TMEM230: variants seen among roughly 807,000 people sequenced by gnomAD.
TMEM230 encodes the protein transmembrane protein 230.
Under a neutral mutation model 15.8 loss-of-function variants are expected in TMEM230, and 10 were observed. The observed-to-expected ratio is 0.63, with a 90% CI of 0.39 to 1.07. The LOEUF (loss-of-function observed/expected upper bound fraction) is 1.07, where lower values mean the gene tolerates loss of function less well. TMEM230 is among the 50% of genes least tolerant of loss of function. The probability of loss-of-function intolerance (pLI) is 0.01; values close to 1 mark genes in which losing one functional copy is unlikely to be tolerated. For synonymous variants in TMEM230, 67 were observed against 76.9 expected (o/e 0.87, Z 0.68); for missense variants, 165 against 193.3 (o/e 0.85, Z 0.87).
downstream of TMEM230, among the ~76,000 whole-genome samples, chr20:5,096,967 G>T (rs568665693): frequency 5.3e-5 from 8 of 152,256 alleles, no homozygotes; most frequent in East Asian, 1.5e-3. Context: ...ACTGGAGAAT[G>T]CTACTCAGCT....
chr20:5,092,170 G>A (rs1026457094), intron 3 of TMEM230, among the ~76,000 whole-genome samples: 2 of 152,240 alleles, frequency 1.3e-5, no homozygotes, highest in African/African-American at 2.4e-5. Flanking sequence ...GGTCTGATAC[G>A]ATTGACAAGA....
intron 3 of TMEM230, among the ~76,000 whole-genome samples, chr20:5,083,427 T>G (rs913496751): frequency 6.6e-6 from 1 of 151,938 alleles, no homozygotes. Context: ...GCCTTTTTAT[T>G]AAATCAGGAA....
downstream of TMEM230, among the ~76,000 whole-genome samples, chr20:5,095,305 G>A (rs2089634151): frequency 6.6e-6 from 1 of 152,154 alleles, no homozygotes; most frequent in Non-Finnish European, 1.5e-5. Context: ...GCCTCCCACA[G>A]AAATCGAAAG....
intron 3 of TMEM230, among the ~76,000 whole-genome samples, chr20:5,074,287 C>T (rs2088918959): frequency 1.3e-5 from 2 of 152,168 alleles, no homozygotes; most frequent in African/African-American, 2.4e-5. Context: ...GTGTCTTTCT[C>T]TCCCTACCAG....
chr20:5,072,757 G>C lies in TMEM230; in HGVS notation c.223-3408C>G, dbSNP rs370591407. ...CCAGCTACACGGGAGGCTGAGGCAAGAGAATTGCTTGAACCTGGGAGGCGG... is the reference window on the plus strand; with the variant it reads ...CCAGCTACACGGGAGGCTGAGGCAACAGAATTGCTTGAACCTGGGAGGCGG... On this transcript the variant is annotated intron_variant, in intron 3 of 3. Transcript: ENST00000612323. 5.5e-3 allele frequency among the ~76,000 whole-genome samples: 783 copies of C among 142,622 alleles called. 6 individuals are homozygous for C. The highest frequency in any genetic ancestry group is 0.019 in the African/African-American group (748 of 38,824). The allele number at this position is 142,622 out of a possible 152,430, so 93.6% of individuals were successfully genotyped here.
intron 3 of TMEM230, chr20:5,109,116 A>C (rs746545174): frequency 7.6e-5 from 31 of 407,442 alleles, no homozygotes; most frequent in African/African-American, 2.3e-4. Flanking sequence ...TACAACTAAA[A>C]ATTCTTAGAA....
chr20:5,111,402 AG>A (rs1381182083), intron 2 of TMEM230: 1 of 154,054 alleles, frequency 6.5e-6, no homozygotes, highest in East Asian at 1.9e-4. Context: ...CAAGGTCAGG[AG>A]TTCGAGACCA....
At chr20:5,102,470 C>A (rs190099928) in intron 4 of TMEM230, among the ~76,000 whole-genome samples, 1 of 152,012 alleles carries the variant, frequency 6.6e-6, no homozygotes. Context: ...GCAGGCAGAT[C>A]GCTTGAGCTC....
intron 1 of TMEM230, 148 bp downstream of exon 1, chr20:5,112,813 G>A (rs2090380380): frequency 1.3e-6 from 2 of 1,512,562 alleles, no homozygotes; most frequent in Admixed American, 2.1e-5. Context: ...AACAAAACGG[G>A]CTTCTGGAAA....
At chr20:5,062,218 G>A in the TMEM230 span, among the ~76,000 whole-genome samples, 13 of 147,620 alleles carry the variant, frequency 8.8e-5, no homozygotes, top group Admixed American at 2.7e-4. Flanking sequence ...GTGAAACTCC[G>A]TCTCAAAAAA....
In TMEM230 at chr20:5,088,828, A is replaced by G. The variant is rs111917286; in HGVS notation, c.222+17360T>C. On this transcript the variant is annotated intron_variant, in intron 3 of 3. Coordinates refer to the TMEM230 transcript ENST00000612323. ...CATGCCCAACCCAGAACCAGGTTTA[A>G]TAACTGTAGAGGAGGCAACGGTGAT... is the stretch of plus-strand genomic sequence containing the variant. Among the ~76,000 whole-genome samples the G allele has an allele frequency of 1.0e-3, 158 of 152,292 alleles. 3 individuals carry two copies. In the South Asian group the frequency reaches 0.015, roughly 14 times the overall value.
chr20:5,062,577 G>A, the TMEM230 span, among the ~76,000 whole-genome samples: 271 of 152,066 alleles, frequency 1.8e-3, 1 homozygote, highest in African/African-American at 6.3e-3. Flanking sequence ...GCAACATGGC[G>A]AAACCCTGTC....
chr20:5,094,662 C>T (rs1160631420), intron 3 of TMEM230, among the ~76,000 whole-genome samples: 1 of 146,058 alleles, frequency 6.8e-6, no homozygotes, highest in Non-Finnish European at 1.5e-5. Context: ...AGCTGAGATC[C>T]CGCCACGGCA....
chr20:5,094,400 C>T (rs111973124), intron 3 of TMEM230, among the ~76,000 whole-genome samples: 7,628 of 151,648 alleles, frequency 0.05, 590 homozygotes, highest in African/African-American at 0.17. Flanking sequence ...ACCACCACAC[C>T]TGGCTAATTT....
At chr20:5,107,214 A>G (rs1275831805) in intron 3 of TMEM230, among the ~76,000 whole-genome samples, 1 of 152,138 alleles carries the variant, frequency 6.6e-6, no homozygotes, top group Non-Finnish European at 1.5e-5. Context: ...AGCTGGGAGG[A>G]TGGCTTGAGC....
chr20:5,110,754 A>T (rs1171006518), intron 2 of TMEM230, among the ~76,000 whole-genome samples: 1 of 152,252 alleles, frequency 6.6e-6, no homozygotes, highest in Non-Finnish European at 1.5e-5. Context: ...AAGAAAGAAA[A>T]AAATGGAATA....
At chr20:5,068,153 C>G (rs1241857541), downstream of TMEM230, 3 of 152,156 alleles carry the variant, frequency 2.0e-5, no homozygotes, top group Non-Finnish European at 4.4e-5. Flanking sequence ...CATCCAGGTC[C>G]CAGGCAGGTG....
At chr20:5,109,265 G>A (rs765670399) in intron 3 of TMEM230, 67 bp downstream of exon 2, 14 of 1,287,704 alleles carry the variant, frequency 1.1e-5, no homozygotes, top group African/African-American at 1.5e-5. Context: ...TCTCCATCTG[G>A]AAGGTCTTCC....
At chr20:5,074,864 T>C (rs978967487) in intron 3 of TMEM230, among the ~76,000 whole-genome samples, 1 of 152,246 alleles carries the variant, frequency 6.6e-6, no homozygotes, top group African/African-American at 2.4e-5. Context: ...GGCCTTGCTA[T>C]GCTGCCCAGG....
Sources: gnomAD v4.1 joint callset for allele counts (sites outside exome capture counted in the v4.1 genomes callset) on GRCh38, gnomAD v4.1.1 for gene constraint, MANE v1.5 for transcripts, NCBI Gene and HGNC (gene_info 2026-07-23, HGNC 2026-07-21) for gene names.